Variants in ABRAXAS2 observed in about 807,000 individuals in gnomAD.
ABRAXAS2 encodes the protein BRISC complex subunit Abraxas 2.
Under a neutral mutation model 49.0 loss-of-function variants are expected in ABRAXAS2, and 23 were observed. That is an observed-to-expected ratio of 0.47 (90% CI 0.34 to 0.66). The LOEUF (loss-of-function observed/expected upper bound fraction) is 0.66. ABRAXAS2 is among the 30% of genes least tolerant of loss of function. The pLI is 0.01. For synonymous variants in ABRAXAS2, 168 were observed against 180.2 expected (o/e 0.93, Z 0.54); for missense variants, 443 against 511.9 (o/e 0.87, Z 1.30).
At chr10:124,809,326 G>C (rs535197606) in intron 2 of ABRAXAS2, among the ~76,000 whole-genome samples, 29 of 152,088 alleles carry the variant, frequency 1.9e-4, no homozygotes, top group African/African-American at 7.0e-4. Context: ...GTCTGGCTCT[G>C]TTGCCCAGGC....
intron 3 of ABRAXAS2, among the ~76,000 whole-genome samples, chr10:124,817,022 TG>T (rs1215498422): frequency 6.6e-6 from 1 of 152,228 alleles, no homozygotes; most frequent in African/African-American, 2.4e-5. Flanking sequence ...TTGGGCAATA[TG>T]TGGCAAGACT....
intron 1 of ABRAXAS2, among the ~76,000 whole-genome samples, chr10:124,805,998 A>G (rs536300531): frequency 4.1e-4 from 62 of 152,296 alleles, no homozygotes; most frequent in African/African-American, 1.5e-3. Flanking sequence ...TAACCCCTGC[A>G]TTTATTAAAG....
chr10:124,804,713 C>CTTTTTTTTT (rs1444245073), intron 1 of ABRAXAS2, among the ~76,000 whole-genome samples: 1 of 90,136 alleles, frequency 1.1e-5, no homozygotes, highest in African/African-American at 3.5e-5. Flanking sequence ...TTCTTTTTTT[C>CTTTTTTTTT]TTTCTTTTTT....
chr10:124,832,781 T>G (rs1950941168), intron 8 of ABRAXAS2, among the ~76,000 whole-genome samples: 1 of 148,020 alleles, frequency 6.8e-6, no homozygotes, highest in Non-Finnish European at 1.5e-5. Flanking sequence ...GAGGTGGAGG[T>G]TGCAGTGAGC....
At chr10:124,809,207 G>A (rs889183370) in intron 2 of ABRAXAS2, among the ~76,000 whole-genome samples, 1 of 152,240 alleles carries the variant, frequency 6.6e-6, no homozygotes, top group African/African-American at 2.4e-5. Flanking sequence ...CTTTGGTCAT[G>A]TTGGGAGCAA....
intron 2 of ABRAXAS2, among the ~76,000 whole-genome samples, chr10:124,814,653 T>C (rs1950812308): frequency 6.6e-6 from 1 of 151,594 alleles, no homozygotes; most frequent in Admixed American, 6.6e-5. Flanking sequence ...TATTTATTTA[T>C]TTATTTATAT....
intron 8 of ABRAXAS2, among the ~76,000 whole-genome samples, chr10:124,833,515 C>T (rs1355282994): frequency 2.6e-5 from 4 of 152,060 alleles, no homozygotes; most frequent in South Asian, 2.1e-4. Context: ...TAATGTCAGC[C>T]GTGTTTTATA....
At chr10:124,826,829 T>C in intron 5 of ABRAXAS2, 44 bp downstream of exon 5, 1 of 1,594,162 alleles carries the variant, frequency 6.3e-7, no homozygotes, top group Non-Finnish European at 8.6e-7. Flanking sequence ...AGAAGGACGT[T>C]GGGACCAGGC....
At position 124,811,168 on chromosome 10, in the gene ABRAXAS2, C is replaced by T. The variant is rs1030617756; in HGVS notation, c.163+4247C>T. Among the ~76,000 whole-genome samples the T allele has an allele frequency of 3.3e-5, 5 of 151,558 alleles. No homozygotes were observed. The East Asian group carries it at 6.0e-4, about 18-fold the overall frequency. On this transcript the variant is annotated intron_variant, in intron 2 of 8. Coordinates refer to ENST00000298492, the MANE Select transcript of ABRAXAS2 (RefSeq NM_032182.4). ...GGAGGTTTCAGTGAACTGAGATCTGCGCCACTGCACTCCAGCCTGGGCGAC... is the reference window on the plus strand; with the variant it reads ...GGAGGTTTCAGTGAACTGAGATCTGTGCCACTGCACTCCAGCCTGGGCGAC...
intron 5 of ABRAXAS2, 141 bp from the exon 6 acceptor site, chr10:124,828,615 C>G (rs1285175101): frequency 4.8e-6 from 3 of 623,400 alleles, no homozygotes; most frequent in Non-Finnish European, 7.8e-6. Flanking sequence ...CTCAGGTGAT[C>G]TGCCTGCCTC....
At chr10:124,822,867 G>A (rs1004546668) in intron 4 of ABRAXAS2, among the ~76,000 whole-genome samples, 5 of 151,910 alleles carry the variant, frequency 3.3e-5, no homozygotes, top group Admixed American at 1.3e-4. Flanking sequence ...ATTAATTTTG[G>A]CATTTTTAAG....
At chr10:124,832,952 C>G (rs1180855818) in intron 8 of ABRAXAS2, among the ~76,000 whole-genome samples, 6 of 151,478 alleles carry the variant, frequency 4.0e-5, no homozygotes, top group Non-Finnish European at 8.8e-5. Context: ...TCGAGACCAG[C>G]CTGACCAACA....
intron 7 of ABRAXAS2, among the ~76,000 whole-genome samples, 189 bp from the exon 8 acceptor site, chr10:124,831,154 CTTAAAA>C (rs1034740125): frequency 7.2e-5 from 11 of 152,208 alleles, no homozygotes; most frequent in Non-Finnish European, 1.6e-4. Flanking sequence ...GCATAATCAT[CTTAAAA>C]TTAAAGCAAA....
chr10:124,818,553 A>C (rs1950840410), intron 3 of ABRAXAS2, among the ~76,000 whole-genome samples: 1 of 152,176 alleles, frequency 6.6e-6, no homozygotes, highest in Non-Finnish European at 1.5e-5. Context: ...ACAGAACTGG[A>C]GCTGGAGCTT....
At chr10:124,814,406 A>G (rs935149820) in intron 2 of ABRAXAS2, among the ~76,000 whole-genome samples, 1 of 151,976 alleles carries the variant, frequency 6.6e-6, no homozygotes, top group African/African-American at 2.4e-5. Context: ...CTAGAGTGCA[A>G]TGGTGTGATC....
chr10:124,811,902 C>G (rs1337031641), intron 2 of ABRAXAS2, among the ~76,000 whole-genome samples: 3 of 152,086 alleles, frequency 2.0e-5, no homozygotes, highest in Admixed American at 6.5e-5. Context: ...CTCAGCCTCC[C>G]AAGTAGCTGG....
At chr10:124,812,178 G>C (rs546969921) in intron 2 of ABRAXAS2, among the ~76,000 whole-genome samples, 75 of 152,304 alleles carry the variant, frequency 4.9e-4, no homozygotes, top group Admixed American at 1.6e-3. Context: ...TGTAGATATG[G>C]AGAAGTAACA....
rs183443381 is a variant in ABRAXAS2 at position 124,804,101 on chromosome 10, C to T, written c.72+2200C>T. 7.8e-4 allele frequency among the ~76,000 whole-genome samples: 119 copies of T among 152,260 alleles called. 1 individual carries two copies. The highest frequency in any genetic ancestry group is 7.9e-4 in the Non-Finnish European group (54 of 68,012). ...AAAAAAAATTACAGACAAGGTCTTG[C>T]TATGTGGCCCAGGCTGATCTCAAAC... On this transcript the variant is annotated intron_variant, in intron 1 of 8. Transcript: ENST00000298492.
rs1274555651 is a variant in ABRAXAS2, at chr10:124,826,746, C to T, written c.419C>T (p.Thr140Ile). 1.2e-6 allele frequency: 2 copies of T among 1,614,212 alleles called. No homozygotes were observed. The highest frequency in any genetic ancestry group is 2.2e-5 in the South Asian group (2 of 91,086). ...TTCATCTCCACTGCCAACAATTCCA[C>T]TCACGCTTTAGAATATGTGCTCTTC... is the stretch of plus-strand genomic sequence containing the variant. Reference protein sequence around the residue: ...FSFISTANNSTHALEYVLFRP... With the variant: ...FSFISTANNSIHALEYVLFRP... The change falls in exon 5 of 9, where the codon ACT (threonine) becomes ATT (isoleucine). Residue 140 changes from threonine to isoleucine, a missense_variant. Thr to Ile is a moderately conservative substitution (Grantham distance 89). Transcript: ENST00000298492.
Sources: allele counts gnomAD v4.1 joint callset (sites outside exome capture counted in the v4.1 genomes callset), GRCh38; gene constraint gnomAD v4.1.1; transcripts MANE v1.5; gene names NCBI Gene and HGNC (gene_info 2026-07-23, HGNC 2026-07-21).